The following PLXNA4 variants were observed in gnomAD, a reference collection of about 807,000 sequenced individuals.
PLXNA4 encodes plexin-A4.
PLXNA4 carries 44 observed loss-of-function variants against 191.8 expected under a neutral mutation model. The ratio of observed to expected loss-of-function variants is 0.23; its 90% CI spans 0.18 to 0.29. PLXNA4 has a LOEUF of 0.29. Among genes scored for constraint, PLXNA4 ranks in the 10% least tolerant of loss-of-function variants. PLXNA4 has a pLI of 1.00. For synonymous variants in PLXNA4, 1,082 were observed against 1,009.5 expected (o/e 1.07, Z -1.36); for missense variants, 1,800 against 2,488.8 (o/e 0.72, Z 5.89).
chr7:132,177,702 GCT>G (rs1796522926), intron 20 of PLXNA4, among the ~76,000 whole-genome samples: 1 of 152,190 alleles, frequency 6.6e-6, no homozygotes. Flanking sequence ...AACATTCAAA[GCT>G]GCGTGCCTGC....
At chr7:132,496,833 C>A (rs1469683215) in intron 2 of PLXNA4, among the ~76,000 whole-genome samples, 1 of 152,142 alleles carries the variant, frequency 6.6e-6, no homozygotes, top group Non-Finnish European at 1.5e-5. Context: ...TTCCCAGCAC[C>A]AGGGATGAGT....
intron 31 of PLXNA4, 84 bp downstream of exon 31, chr7:132,132,965 G>T: frequency 6.5e-7 from 1 of 1,528,602 alleles, no homozygotes; most frequent in East Asian, 2.3e-5. Flanking sequence ...CTGTGGCGAT[G>T]ATCTCTTATA....
At chr7:132,454,550 C>T (rs1338348336) in intron 3 of PLXNA4, among the ~76,000 whole-genome samples, 1 of 152,048 alleles carries the variant, frequency 6.6e-6, no homozygotes, top group Non-Finnish European at 1.5e-5. Context: ...TGCGCCCCCC[C>T]AACCATGTCA....
intron 3 of PLXNA4, among the ~76,000 whole-genome samples, chr7:132,401,445 G>T (rs547098644): frequency 2.6e-5 from 4 of 152,338 alleles, no homozygotes; most frequent in South Asian, 2.1e-4. Flanking sequence ...GCTCATGAAG[G>T]TTGGGAAGGT....
chr7:132,609,995 C>T (rs190632124), intron 2 of PLXNA4, among the ~76,000 whole-genome samples: 17 of 152,310 alleles, frequency 1.1e-4, no homozygotes, highest in Admixed American at 2.0e-4. Context: ...CAGTTCTATC[C>T]ACCATCTGCC....
intron 3 of PLXNA4, among the ~76,000 whole-genome samples, chr7:132,309,867 G>A (rs1044766205): frequency 6.6e-6 from 1 of 152,170 alleles, no homozygotes; most frequent in African/African-American, 2.4e-5. Context: ...TCGGCACAGG[G>A]CAGAGACTCA....
intron 4 of PLXNA4, among the ~76,000 whole-genome samples, chr7:132,244,650 A>G (rs1035136569): frequency 2.0e-5 from 3 of 152,160 alleles, no homozygotes; most frequent in Admixed American, 6.5e-5. Flanking sequence ...CTTCCCAAGG[A>G]AGGACAGAAC....
At chr7:132,160,872 A>G (rs1795929821) in intron 24 of PLXNA4, among the ~76,000 whole-genome samples, 1 of 152,164 alleles carries the variant, frequency 6.6e-6, no homozygotes, top group African/African-American at 2.4e-5. Context: ...TTCATTAGCA[A>G]CTAGACTGCT....
intron 3 of PLXNA4, among the ~76,000 whole-genome samples, chr7:132,472,736 T>C (rs1796975764): frequency 6.6e-6 from 1 of 152,140 alleles, no homozygotes; most frequent in African/African-American, 2.4e-5. Flanking sequence ...TCCCATAATG[T>C]AGGTGAAAGG....
chr7:132,202,541 T>A (rs950919413), intron 12 of PLXNA4, 105 bp downstream of exon 12: 15 of 1,234,164 alleles, frequency 1.2e-5, no homozygotes, highest in Non-Finnish European at 1.6e-5. Context: ...GTCCACCCAG[T>A]GACTACTGGG....
At chr7:132,429,381 A>G (rs1359261844) in intron 3 of PLXNA4, among the ~76,000 whole-genome samples, 1 of 147,044 alleles carries the variant, frequency 6.8e-6, no homozygotes, top group Non-Finnish European at 1.5e-5. Context: ...AAGATGGGCA[A>G]ACTTTTCCCA....
chr7:132,425,391 G>A (rs922827207), intron 3 of PLXNA4, among the ~76,000 whole-genome samples: 1 of 152,210 alleles, frequency 6.6e-6, no homozygotes, highest in African/African-American at 2.4e-5. Flanking sequence ...ATTGGTGAAA[G>A]TAAGAGACCG....
Position 132,181,594 on chromosome 7 carries a change from C to T in PLXNA4, c.3279G>A (p.Glu1093=), listed in dbSNP as rs1435176147. The T allele has an allele frequency of 1.2e-6, 2 of 1,614,088 alleles. No homozygotes were observed. The highest frequency in any genetic ancestry group is 2.7e-5 in the African/African-American group (2 of 74,928). The change falls in exon 18 of 32, where the codon GAG becomes GAA. Residue 1093 remains glutamate, a synonymous_variant. Coordinates refer to ENST00000321063, the MANE Select transcript of PLXNA4 (RefSeq NM_020911.2). The stretch of plus-strand genomic sequence containing the variant: ...CGAGGGCGGGCGCCTGACAGGTCAT[C>T]TCAGTAGCGTTCAGAACCTCACAGA... ...INICEVLNAT[E]MTCQAPALAL...
rs1795856203 is a variant in PLXNA4, at chr7:132,158,473, AC to A, written c.4660+999del. Reference sequence around the variant, plus strand: ...GCTTCTCCCTCCATGGCCAGCATCAACAAACAGGCACAGACAGTATCCTTGT... The same window carrying A: ...GCTTCTCCCTCCATGGCCAGCATCAAAAACAGGCACAGACAGTATCCTTGT... On this transcript the variant is annotated intron_variant, in intron 25 of 31. Transcript: ENST00000321063. Among the ~76,000 whole-genome samples, 6 of 152,332 alleles carry A rather than the reference AC, an allele frequency of 3.9e-5. No homozygotes were observed. In the South Asian group the frequency reaches 1.2e-3, roughly 32 times the overall value.
rs200991025 is a variant in PLXNA4, at chr7:132,361,823, C to CTGTG, written c.1372-63605_1372-63602dup. ...GTGTTCTATTATGGTGGGGGTGTGGCTGTGTGTGTGTGTGTGCACGCGTGC... is the reference window on the plus strand; with the variant it reads ...GTGTTCTATTATGGTGGGGGTGTGGCTGTGTGTGTGTGTGTGTGTGCACGCGTGC... On this transcript the variant is annotated intron_variant, in intron 3 of 31. Transcript: ENST00000321063. 4.4e-3 allele frequency among the ~76,000 whole-genome samples: 662 copies of CTGTG among 151,014 alleles called. 6 individuals are homozygous for CTGTG. The highest frequency in any genetic ancestry group is 0.015 in the African/African-American group (633 of 41,212).
chr7:132,168,577 A>G lies in PLXNA4; in HGVS notation c.4018-5T>C, dbSNP rs746715767. 2.5e-5 allele frequency: 40 copies of G among 1,571,162 alleles called. No homozygotes were observed. The highest frequency in any genetic ancestry group is 3.2e-5 in the Non-Finnish European group (37 of 1,157,140). On this transcript the variant is annotated splice_polypyrimidine_tract_variant and splice_region_variant and intron_variant, in intron 21 of 31. Coordinates refer to ENST00000321063, the MANE Select transcript of PLXNA4 (RefSeq NM_020911.2). ...CTCCTGCCGGTAGCCCGGGACCTGC[A>G]GAGAGACCTAGGAGTCGTGATGCCA...
intron 4 of PLXNA4, among the ~76,000 whole-genome samples, chr7:132,285,928 C>T (rs1419435797): frequency 6.6e-6 from 1 of 152,034 alleles, no homozygotes; most frequent in Non-Finnish European, 1.5e-5. Flanking sequence ...GCCCACCCAC[C>T]ACCCCCACCC....
At position 132,507,808 on chromosome 7, in the gene PLXNA4, C is replaced by A. The variant is rs763894222; in HGVS notation, c.886G>T (p.Val296Leu). Reference protein sequence around the residue: ...EDTAFNSYVEVPIGCERSGVE... With the variant: ...EDTAFNSYVELPIGCERSGVE... Reference sequence around the variant, plus strand: ...CCACTGCGCTCACAGCCAATGGGCACCTCTACATAGGAGTTGAAGGCTGTG... The same window carrying A: ...CCACTGCGCTCACAGCCAATGGGCAACTCTACATAGGAGTTGAAGGCTGTG... The change falls in exon 2 of 32, where the codon GTG (valine) becomes TTG (leucine). Residue 296 changes from valine (V) to leucine (L), a missense_variant. Physicochemically the swap from Val to Leu is conservative, Grantham distance 32. Around this residue, in one of 6 missense-constraint regions of PLXNA4, gnomAD observed 1,397 missense variants for 1,880.4 expected, o/e 0.74. Coordinates refer to ENST00000321063, the MANE Select transcript of PLXNA4 (RefSeq NM_020911.2). 1.2e-5 allele frequency: 20 copies of A among 1,614,038 alleles called. No homozygotes were observed. In the Admixed American group the frequency reaches 3.3e-4, roughly 27 times the overall value.
At chr7:132,386,531 TAA>T (rs1179891246) in intron 3 of PLXNA4, among the ~76,000 whole-genome samples, 1 of 152,018 alleles carries the variant, frequency 6.6e-6, no homozygotes, top group Non-Finnish European at 1.5e-5. Flanking sequence ...TACATTCGAG[TAA>T]AATCATGCTT....
Sources: gnomAD v4.1 joint callset for allele counts (sites outside exome capture counted in the v4.1 genomes callset) on GRCh38, gnomAD v4.1.1 for gene constraint, gnomAD v4.1.1 regional missense constraint, MANE v1.5 for transcripts, NCBI Gene and HGNC (gene_info 2026-07-23, HGNC 2026-07-21) for gene names.